The following TFPI variants were observed in gnomAD, a reference collection of about 807,000 sequenced individuals.
TFPI encodes the protein tissue factor pathway inhibitor.
In TFPI, 15 loss-of-function variants were observed where a neutral mutation model predicts 34.6. The observed-to-expected ratio is 0.43, with a 90% CI of 0.29 to 0.67. The LOEUF is 0.67. Ranked by LOEUF, TFPI falls within the 30% of genes least tolerant of loss-of-function variation. TFPI has a pLI of 0.15. For synonymous variants in TFPI, 105 were observed against 120.1 expected (o/e 0.87, Z 0.82); for missense variants, 301 against 364.0 (o/e 0.83, Z 1.41).
intron 1 of TFPI, among the ~76,000 whole-genome samples, chr2:187,543,858 C>G (rs1688709461): frequency 6.6e-6 from 1 of 152,162 alleles, no homozygotes; most frequent in Non-Finnish European, 1.5e-5. Context: ...GGTATCTCCT[C>G]CTTCTATTTG....
intron 1 of TFPI, among the ~76,000 whole-genome samples, chr2:187,541,972 T>C (rs1371336044): frequency 6.6e-6 from 1 of 152,068 alleles, no homozygotes; most frequent in Non-Finnish European, 1.5e-5. Flanking sequence ...TTAATGACAA[T>C]GGCATCACAA....
intron 1 of TFPI, among the ~76,000 whole-genome samples, chr2:187,537,213 T>G (rs1007384638): frequency 2.0e-5 from 3 of 152,224 alleles, no homozygotes; most frequent in Non-Finnish European, 2.9e-5. Context: ...ATTTACTTTC[T>G]TCACATATTA....
At position 187,480,775 on chromosome 2, in the gene TFPI, T is replaced by G. The variant is rs8176524; in HGVS notation, c.628+3349A>C. Reference sequence around the variant, plus strand: ...CGCTCAGGGATATGCTTACAAATCATTATTTAAAATCTCTTTAAGGAAGAG... The same window carrying G: ...CGCTCAGGGATATGCTTACAAATCAGTATTTAAAATCTCTTTAAGGAAGAG... On this transcript the variant is annotated intron_variant, in intron 6 of 7. Transcript: ENST00000233156. Among the ~76,000 whole-genome samples, 440 of 152,276 alleles carry G rather than the reference T, an allele frequency of 2.9e-3. 5 individuals are homozygous for G. Among genetic ancestry groups the G allele is most frequent in the African/African-American group, 0.01 (425 of 41,568 alleles).
chr2:187,476,236 T>C (rs1259068775), intron 6 of TFPI, among the ~76,000 whole-genome samples: 2 of 151,998 alleles, frequency 1.3e-5, no homozygotes, highest in African/African-American at 2.4e-5. Context: ...GTATTAGATA[T>C]AATCAAAACT....
chr2:187,551,190 G>A (rs967107790), intron 1 of TFPI, among the ~76,000 whole-genome samples: 1 of 152,046 alleles, frequency 6.6e-6, no homozygotes, highest in Non-Finnish European at 1.5e-5. Context: ...GTAATTCCTT[G>A]CAATAATTCC....
chr2:187,544,321 ATAATTT>A (rs1211772089), intron 1 of TFPI, among the ~76,000 whole-genome samples: 1 of 152,218 alleles, frequency 6.6e-6, no homozygotes, highest in East Asian at 1.9e-4. Flanking sequence ...TTTTGGGATT[ATAATTT>A]TAAAGTGTAA....
At chr2:187,503,301 G>A (rs1212397907) in intron 2 of TFPI, among the ~76,000 whole-genome samples, 1 of 152,048 alleles carries the variant, frequency 6.6e-6, no homozygotes, top group African/African-American at 2.4e-5. Context: ...CCTAGCCAAA[G>A]GGTAGCATCA....
chr2:187,552,281 C>T (rs1314228967), intron 1 of TFPI, among the ~76,000 whole-genome samples: 1 of 152,036 alleles, frequency 6.6e-6, no homozygotes, highest in Non-Finnish European at 1.5e-5. Context: ...TGGATAGGCA[C>T]TCTGGCATTA....
At chr2:187,487,874 C>G (rs1294095806) in intron 4 of TFPI, among the ~76,000 whole-genome samples, 1 of 151,322 alleles carries the variant, frequency 6.6e-6, no homozygotes, top group African/African-American at 2.4e-5. Flanking sequence ...GTGAAACTTG[C>G]TAAAGCCACA....
chr2:187,509,863 C>T (rs934921421), intron 1 of TFPI, among the ~76,000 whole-genome samples: 4 of 152,244 alleles, frequency 2.6e-5, no homozygotes, highest in Middle Eastern at 6.8e-3. Context: ...GCTTGTTTAG[C>T]GTCCTTGCTC....
At chr2:187,476,822 CT>C (rs1038595968) in intron 6 of TFPI, among the ~76,000 whole-genome samples, 2 of 151,744 alleles carry the variant, frequency 1.3e-5, no homozygotes, top group African/African-American at 4.8e-5. Flanking sequence ...AAGGATTTTT[CT>C]TTTTTTTAAG....
intron 1 of TFPI, chr2:187,516,612 G>C (rs1015316547): frequency 6.6e-6 from 1 of 152,104 alleles, no homozygotes; most frequent in Non-Finnish European, 1.5e-5. Flanking sequence ...CAAAGAGAGG[G>C]GGATAAGGGA....
intron 6 of TFPI, chr2:187,478,770 T>G (rs7586970): frequency 1.2e-5 from 19 of 1,613,260 alleles, no homozygotes; most frequent in Non-Finnish European, 1.6e-5. Flanking sequence ...ATGAGCCGCA[T>G]TCTTCCAACC....
At chr2:187,520,306 G>C (rs1687294465) in intron 1 of TFPI, among the ~76,000 whole-genome samples, 1 of 152,200 alleles carries the variant, frequency 6.6e-6, no homozygotes. Context: ...CGGGTCTGTG[G>C]GTTGTGAAGA....
chr2:187,505,981 T>C (rs1292919667), intron 1 of TFPI, among the ~76,000 whole-genome samples: 1 of 151,330 alleles, frequency 6.6e-6, no homozygotes, highest in East Asian at 1.9e-4. Context: ...AATAGTAGCG[T>C]ATGTAATTTT....
At chr2:187,492,078 A>G (rs1344735973) in intron 3 of TFPI, among the ~76,000 whole-genome samples, 2 of 151,990 alleles carry the variant, frequency 1.3e-5, no homozygotes, top group Non-Finnish European at 2.9e-5. Context: ...TTTGAGTTAC[A>G]TGTACATTTT....
chr2:187,549,691 C>G (rs770841498), intron 1 of TFPI, among the ~76,000 whole-genome samples: 50 of 151,948 alleles, frequency 3.3e-4, no homozygotes, highest in Non-Finnish European at 5.7e-4. Context: ...TCCTGGGATA[C>G]AATAAACAAT....
At chr2:187,542,650 A>G (rs1688643594) in intron 1 of TFPI, among the ~76,000 whole-genome samples, 1 of 152,072 alleles carries the variant, frequency 6.6e-6, no homozygotes, top group Non-Finnish European at 1.5e-5. Context: ...GTGGCTGGTC[A>G]CGAAGTCAGG....
rs758285756 is a variant in TFPI at position 187,497,081 on chromosome 2, A to G, written c.122-3T>C. 212 of 1,609,166 alleles carry G rather than the reference A, an allele frequency of 1.3e-4. No individual in the cohort carries two copies. The highest frequency in any genetic ancestry group is 1.7e-4 in the Non-Finnish European group (201 of 1,177,520). On this transcript the variant is annotated splice_region_variant and splice_polypyrimidine_tract_variant and intron_variant, in intron 2 of 7. Coordinates refer to ENST00000233156, the MANE Select transcript of TFPI (RefSeq NM_006287.6). Reference sequence around the variant, plus strand: ...TTTCAGTGGTGGCAACTCCGTATCTATAAAGTAAAAATAAAAGATATAACA... The same window carrying G: ...TTTCAGTGGTGGCAACTCCGTATCTGTAAAGTAAAAATAAAAGATATAACA...
Sources: allele counts gnomAD v4.1 joint callset (sites outside exome capture counted in the v4.1 genomes callset), GRCh38; gene constraint gnomAD v4.1.1; transcripts MANE v1.5; gene names NCBI Gene and HGNC (gene_info 2026-07-23, HGNC 2026-07-21).